The following CTHRC1 variants were observed in gnomAD, a reference collection of about 807,000 sequenced individuals.
The protein encoded by CTHRC1 is collagen triple helix repeat containing 1.
CTHRC1 carries 21 observed loss-of-function variants against 25.9 expected under a neutral mutation model. The observed-to-expected ratio is 0.81, with a 90% CI of 0.57 to 1.17. The LOEUF (loss-of-function observed/expected upper bound fraction) is 1.17, where lower values mean the gene tolerates loss of function less well. Among genes scored for constraint, CTHRC1 ranks in the 50% most tolerant of loss-of-function variants. The probability of loss-of-function intolerance (pLI) is 0.00; values close to 1 mark genes in which losing one functional copy is unlikely to be tolerated. For missense variants in CTHRC1, 281 were observed against 304.3 expected, an observed-to-expected ratio of 0.92 and a Z score of 0.57; for synonymous variants, 109 against 113.1, an observed-to-expected ratio of 0.96 and a Z score of 0.23.
At chr8:103,374,490 A>G (rs1293749278) in intron 1 of CTHRC1, among the ~76,000 whole-genome samples, 13 of 152,212 alleles carry the variant, frequency 8.5e-5, no homozygotes. Context: ...GAACCAATTC[A>G]GGTGTAGACA....
At chr8:103,379,577 T>C (rs1220318197) in intron 3 of CTHRC1, among the ~76,000 whole-genome samples, 1 of 152,188 alleles carries the variant, frequency 6.6e-6, no homozygotes, top group Non-Finnish European at 1.5e-5. Context: ...TGGCACACCA[T>C]GGTAGCATCA....
chr8:103,371,717 C>G lies in CTHRC1; in HGVS notation c.61C>G (p.Leu21Val), dbSNP rs781431871. Residue 21 changes from leucine to valine, a missense_variant, in exon 1 of 4, where the codon CTG (leucine) becomes GTG (valine). Transcript: ENST00000330295. ...GCTCCGCGGCCTCCTGCTGCTCCTGCTGCTGCAGCTGCCCGCGCCGTCGAG... is the reference window on the plus strand; with the variant it reads ...GCTCCGCGGCCTCCTGCTGCTCCTGGTGCTGCAGCTGCCCGCGCCGTCGAG... ...QRLRGLLLLL[L>V]LQLPAPSSAS... 3.5e-4 allele frequency: 531 copies of G among 1,536,242 alleles called. 1 individual carries two copies. Among genetic ancestry groups the G allele is most frequent in the Non-Finnish European group, 4.4e-4 (500 of 1,142,172 alleles).
chr8:103,377,926 T>G, intron 2 of CTHRC1, 101 bp from the exon 3 acceptor site: 1 of 1,041,272 alleles, frequency 9.6e-7, no homozygotes, highest in Non-Finnish European at 1.5e-6. Flanking sequence ...TTAAATACAT[T>G]TTGGGGAAAA....
intron 3 of CTHRC1, among the ~76,000 whole-genome samples, chr8:103,381,594 G>A (rs76699298): frequency 0.064 from 9,798 of 152,062 alleles, 447 homozygotes; most frequent in East Asian, 0.19. Context: ...AAAGCAGGGG[G>A]GATTTTCTGT....
In CTHRC1 at chr8:103,375,703, TGA is replaced by T. The variant is rs761868024; in HGVS notation, c.151-31_151-30del. 9.7e-5 allele frequency: 151 copies of T among 1,551,088 alleles called. No homozygotes were observed. The African/African-American group carries it at 1.7e-3, about 18-fold the overall frequency. ...TACTGAGTCTTTGACTCTTAAGTGGTGAGAGTTTTCTTTGCCTTTTCTTTCTC... is the reference window on the plus strand; with the variant it reads ...TACTGAGTCTTTGACTCTTAAGTGGTGAGTTTTCTTTGCCTTTTCTTTCTC... On this transcript the variant is annotated intron_variant, in intron 1 of 3. Transcript: ENST00000330295.
intron 1 of CTHRC1, among the ~76,000 whole-genome samples, chr8:103,375,201 C>G: frequency 6.6e-6 from 1 of 152,132 alleles, no homozygotes; most frequent in Non-Finnish European, 1.5e-5. Context: ...ATTATTGACT[C>G]TTAAGATTTT....
chr8:103,382,744 GT>G lies in CTHRC1; in HGVS notation c.*149del. On this transcript the variant is annotated 3_prime_UTR_variant, in exon 4 of 4. Coordinates refer to ENST00000330295, the MANE Select transcript of CTHRC1 (RefSeq NM_138455.4). ...ACAGACCAAAGTGTGATTTCACACT[GT>G]TTTTAAATCTAGCATTATTCATTTT... 1.2e-6 allele frequency: 1 copy of G among 811,752 alleles called. No homozygotes were observed. Among genetic ancestry groups the G allele is most frequent in the Non-Finnish European group, 2.1e-6 (1 of 468,536 alleles). The allele number at this position is 811,752 out of a possible 1,614,324, so 50.3% of individuals were successfully genotyped here.
intron 1 of CTHRC1, 139 bp downstream of exon 1, chr8:103,371,945 G>T (rs562316364): frequency 3.5e-4 from 306 of 872,532 alleles, no homozygotes; most frequent in Non-Finnish European, 4.7e-4. Flanking sequence ...CTGCGCCGGG[G>T]TGTCATGCTT....
In CTHRC1 at chr8:103,378,256, G is replaced by T; in HGVS notation, c.589+13G>T. On this transcript the variant is annotated intron_variant, in intron 3 of 3. Transcript: ENST00000330295. ...CGCACTTCTTCTGGTATGTAAAATT[G>T]TGACATTGCAAGATGTGCCTCAGAT... 1 of 1,598,418 alleles carries T rather than the reference G, an allele frequency of 6.3e-7. No homozygotes were observed.
chr8:103,372,007 C>T (rs1815713327), intron 1 of CTHRC1, among the ~76,000 whole-genome samples: 2 of 152,186 alleles, frequency 1.3e-5, no homozygotes, highest in African/African-American at 4.8e-5. Flanking sequence ...AGTCTTGGAA[C>T]TCAGAGGGGA....
At chr8:103,379,229 T>C (rs1815861994) in intron 3 of CTHRC1, among the ~76,000 whole-genome samples, 1 of 152,154 alleles carries the variant, frequency 6.6e-6, no homozygotes, top group Non-Finnish European at 1.5e-5. Flanking sequence ...TGGGTTGTTT[T>C]ATGTACTTAT....
At chr8:103,374,159 C>T (rs1815762658) in intron 1 of CTHRC1, among the ~76,000 whole-genome samples, 1 of 151,864 alleles carries the variant, frequency 6.6e-6, no homozygotes, top group Non-Finnish European at 1.5e-5. Flanking sequence ...ATGTCAAAGA[C>T]TTAAAAAGTC....
rs141003793 is a variant in CTHRC1 at position 103,378,339 on chromosome 8, G to A, written c.589+96G>A. 2.4e-4 allele frequency: 228 copies of A among 964,222 alleles called. No homozygotes were observed. The East Asian group carries it at 5.8e-3, about 25-fold the overall frequency. 59.7% of individuals were successfully genotyped at this position (964,222 alleles called of 1,614,324 possible). ...TGTTGGTTCACTAGCCTACTGTAAAGGGACCTCTAGCAAGTTTTCAATGCA... is the reference window on the plus strand; with the variant it reads ...TGTTGGTTCACTAGCCTACTGTAAAAGGACCTCTAGCAAGTTTTCAATGCA... On this transcript the variant is annotated intron_variant, in intron 3 of 3. Coordinates refer to ENST00000330295, the MANE Select transcript of CTHRC1 (RefSeq NM_138455.4).
At chr8:103,379,116 A>C (rs1815860334) in intron 3 of CTHRC1, among the ~76,000 whole-genome samples, 1 of 152,238 alleles carries the variant, frequency 6.6e-6, no homozygotes, top group Non-Finnish European at 1.5e-5. Context: ...CTGTCTGCTG[A>C]ATTTGTAAAA....
At chr8:103,380,424 A>C (rs1815886737) in intron 3 of CTHRC1, among the ~76,000 whole-genome samples, 1 of 152,206 alleles carries the variant, frequency 6.6e-6, no homozygotes, top group Non-Finnish European at 1.5e-5. Flanking sequence ...TAACAGAATC[A>C]CTTTTTCTGA....
chr8:103,376,066 AGAG>A, intron 2 of CTHRC1, 107 bp downstream of exon 2: 1 of 827,034 alleles, frequency 1.2e-6, no homozygotes, highest in Non-Finnish European at 2.0e-6. Context: ...GACTTAAAAA[AGAG>A]AAGTAGGTAG....
intron 3 of CTHRC1, among the ~76,000 whole-genome samples, chr8:103,380,808 C>CA (rs1224202670): frequency 6.6e-6 from 1 of 152,158 alleles, no homozygotes; most frequent in Non-Finnish European, 1.5e-5. Context: ...AAAACATGAG[C>CA]ATTTGTAGGC....
At chr8:103,373,429 G>T (rs920770662) in intron 1 of CTHRC1, among the ~76,000 whole-genome samples, 3 of 145,434 alleles carry the variant, frequency 2.1e-5, no homozygotes, top group African/African-American at 7.9e-5. Context: ...ATAAAAGTGC[G>T]CTTCCCTTCA....
At chr8:103,381,455 G>A (rs976157450) in intron 3 of CTHRC1, among the ~76,000 whole-genome samples, 9 of 134,550 alleles carry the variant, frequency 6.7e-5, no homozygotes, top group African/African-American at 2.4e-4. Flanking sequence ...TAAAATGACT[G>A]AGGGATTTTT....
Sources: gnomAD v4.1 joint callset for allele counts (sites outside exome capture counted in the v4.1 genomes callset) on GRCh38, gnomAD v4.1.1 for gene constraint, MANE v1.5 for transcripts, NCBI Gene and HGNC (gene_info 2026-07-23, HGNC 2026-07-21) for gene names.